Variants in POFUT1 observed in about 807,000 individuals in gnomAD.
POFUT1 encodes the protein protein O-fucosyltransferase 1, also known as GDP-fucose protein O-fucosyltransferase 1.
In POFUT1, 16 loss-of-function variants were observed where a neutral mutation model predicts 42.4. That is an observed-to-expected ratio of 0.38 (90% CI 0.26 to 0.57). The LOEUF is 0.57. Ranked by LOEUF, POFUT1 falls within the 20% of genes least tolerant of loss-of-function variation. The pLI is 0.71. For synonymous variants in POFUT1, 206 were observed against 205.4 expected (o/e 1.00, Z -0.03); for missense variants, 470 against 504.6 (o/e 0.93, Z 0.66).
At chr20:32,217,208 A>G in intron 4 of POFUT1, 1 of 1,431,262 alleles carries the variant, frequency 7.0e-7, no homozygotes, top group East Asian at 2.5e-5. Context: ...AAACATTTAT[A>G]GGGCGCCTGT....
intron 6 of POFUT1, chr20:32,231,377 T>C: frequency 2.9e-6 from 1 of 350,092 alleles, no homozygotes; most frequent in African/African-American, 2.1e-5. Flanking sequence ...CCAGGAGCTG[T>C]GGGCTCCTTG....
chr20:32,224,360 C>G (rs1227200274), intron 4 of POFUT1, among the ~76,000 whole-genome samples: 2 of 152,100 alleles, frequency 1.3e-5, no homozygotes, highest in Non-Finnish European at 2.9e-5. Context: ...CCGCTGCACT[C>G]CAGCCTGGGT....
At chr20:32,230,117 GTGGCTCA>G (rs1329518230) in intron 5 of POFUT1, among the ~76,000 whole-genome samples, 3 of 152,022 alleles carry the variant, frequency 2.0e-5, no homozygotes, top group South Asian at 2.1e-4. Flanking sequence ...GCTGGGCGTG[GTGGCTCA>G]TGCCTGTAAT....
chr20:32,210,180 T>C lies in POFUT1; in HGVS notation c.234T>C (p.Pro78=), dbSNP rs778155129. 2.5e-6 allele frequency: 4 copies of C among 1,614,158 alleles called. No individual in the cohort carries two copies. The South Asian group carries it at 4.4e-5, about 18-fold the overall frequency. ...GGATTGAGTACCAGCATCACAAGCCTCCTTTCACCAACGTGAGTACTTCCC... is the reference window on the plus strand; with the variant it reads ...GGATTGAGTACCAGCATCACAAGCCCCCTTTCACCAACGTGAGTACTTCCC... The part of the protein sequence containing the change: ...PPWIEYQHHK[P]PFTNLHVSYQ... Residue 78 remains proline, a synonymous_variant, in exon 2 of 7, where the codon CCT becomes CCC. Transcript: ENST00000375749.
intron 2 of POFUT1, among the ~76,000 whole-genome samples, chr20:32,212,801 C>T (rs550164591): frequency 6.6e-6 from 1 of 152,076 alleles, no homozygotes; most frequent in Non-Finnish European, 1.5e-5. Context: ...AGGTTGGTCT[C>T]GAACTCCCTG....
chr20:32,230,825 G>C lies in POFUT1; in HGVS notation c.742G>C (p.Ala248Pro). ...HLRIGSDWKN[A>P]CAMLKDGTAG... ...TGTTCCCCGCTCTCCGTAGAAGAAC[G>C]CCTGTGCCATGCTGAAGGACGGGAC... Residue 248 changes from alanine (A) to proline (P), a missense_variant, in exon 6 of 7, where the codon GCC (alanine) becomes CCC (proline). Ala to Pro is a conservative substitution (Grantham distance 27). Transcript: ENST00000375749. 6.2e-7 allele frequency: 1 copy of C among 1,613,346 alleles called. No homozygotes were observed. The highest frequency in any genetic ancestry group is 8.5e-7 in the Non-Finnish European group (1 of 1,180,026).
Position 32,226,024 on chromosome 20 carries a change from A to G in POFUT1, c.543-2239A>G, listed in dbSNP as rs561895374. 7.2e-5 allele frequency among the ~76,000 whole-genome samples: 11 copies of G among 152,300 alleles called. No homozygotes were observed. In the South Asian group the frequency reaches 2.3e-3, roughly 32 times the overall value. Reference sequence around the variant, plus strand: ...TCCCCTCCTTTTTGATGTCTATAGTAAAAGTGCAATCATACATTAAAACAC... The same window carrying G: ...TCCCCTCCTTTTTGATGTCTATAGTGAAAGTGCAATCATACATTAAAACAC... On this transcript the variant is annotated intron_variant, in intron 4 of 6. Coordinates refer to ENST00000375749, the MANE Select transcript of POFUT1 (RefSeq NM_015352.2).
chr20:32,230,653 C>T (rs1270270714), intron 5 of POFUT1, among the ~76,000 whole-genome samples, 166 bp from the exon 6 acceptor site: 2 of 151,732 alleles, frequency 1.3e-5, no homozygotes, highest in Non-Finnish European at 2.9e-5. Flanking sequence ...GGAGATCACA[C>T]CACTGCACTC....
At chr20:32,227,023 G>A (rs1458890646) in intron 4 of POFUT1, among the ~76,000 whole-genome samples, 1 of 152,136 alleles carries the variant, frequency 6.6e-6, no homozygotes, top group Non-Finnish European at 1.5e-5. Context: ...TTCCAGAATG[G>A]CTGTTCCCAT....
At chr20:32,233,253 A>T (rs909155895) in intron 6 of POFUT1, among the ~76,000 whole-genome samples, 3 of 152,256 alleles carry the variant, frequency 2.0e-5, no homozygotes, top group Non-Finnish European at 4.4e-5. Flanking sequence ...AGTGAAGAGC[A>T]GAGGATGCTG....
intron 4 of POFUT1, chr20:32,223,346 G>A (rs909134946): frequency 1.2e-5 from 12 of 985,282 alleles, no homozygotes; most frequent in East Asian, 1.1e-4. Context: ...TAAGTGAGCA[G>A]ATCAGCCTTA....
At chr20:32,217,191 G>T (rs1464331352) in intron 4 of POFUT1, 5 of 1,446,142 alleles carry the variant, frequency 3.5e-6, no homozygotes, top group Non-Finnish European at 4.5e-6. Flanking sequence ...CGTGGGCACA[G>T]GCCGTGAAAC....
At chr20:32,217,760 A>G (rs1423440347) in intron 4 of POFUT1, 5 of 983,518 alleles carry the variant, frequency 5.1e-6, no homozygotes, top group Non-Finnish European at 6.0e-6. Context: ...TTTATTTAAG[A>G]CTTTGAGATA....
chr20:32,221,670 C>T (rs777432607), intron 4 of POFUT1, among the ~76,000 whole-genome samples: 67 of 151,854 alleles, frequency 4.4e-4, no homozygotes, highest in Middle Eastern at 3.4e-3. Context: ...AACCCATGAT[C>T]TGTCCACTGC....
At chr20:32,208,498 A>G (rs1262740796) in intron 1 of POFUT1, among the ~76,000 whole-genome samples, 2 of 152,066 alleles carry the variant, frequency 1.3e-5, no homozygotes, top group Non-Finnish European at 2.9e-5. Flanking sequence ...TAGAGCCTTC[A>G]TTTTAGTTGG....
intron 6 of POFUT1, chr20:32,231,271 T>A (rs2047442402): frequency 1.7e-6 from 1 of 574,408 alleles, no homozygotes; most frequent in Admixed American, 3.0e-5. Context: ...GGAGCTCACG[T>A]ATCCCTGCTG....
rs1029513556 is a variant in POFUT1 at position 32,228,190 on chromosome 20, C to G, written c.543-73C>G. 6.9e-6 allele frequency: 9 copies of G among 1,305,628 alleles called. No homozygotes were observed. The African/African-American group carries it at 1.3e-4, about 19-fold the overall frequency. 80.9% of individuals were successfully genotyped at this position (1,305,628 alleles called of 1,614,324 possible). A position where few individuals can be genotyped will look rare whatever the true frequency, so the allele number is the denominator to read the frequency against. Reference sequence around the variant, plus strand: ...TCTCTGGGGCATGGTGCAACACCATCCTTTTTCCCGTGGGGGTGGCAGCCA... The same window carrying G: ...TCTCTGGGGCATGGTGCAACACCATGCTTTTTCCCGTGGGGGTGGCAGCCA... On this transcript the variant is annotated intron_variant, in intron 4 of 6. Transcript: ENST00000375749.
At chr20:32,221,687 G>A (rs1569156369) in intron 4 of POFUT1, among the ~76,000 whole-genome samples, 1 of 151,616 alleles carries the variant, frequency 6.6e-6, no homozygotes, top group South Asian at 2.1e-4. Context: ...CTGCACTACA[G>A]CCTGGGCAAC....
In POFUT1 at chr20:32,238,240, AAAT is replaced by A. The variant is rs937874574; in HGVS notation, c.*3590_*3592del. The A allele has an allele frequency of 2.4e-5, 4 of 166,140 alleles. No individual in the cohort carries two copies. The highest frequency in any genetic ancestry group is 4.0e-5 in the Non-Finnish European group (3 of 75,890). 10.3% of individuals were successfully genotyped at this position (166,140 alleles called of 1,614,324 possible). On this transcript the variant is annotated 3_prime_UTR_variant, in exon 7 of 7. Coordinates refer to ENST00000375749, the MANE Select transcript of POFUT1 (RefSeq NM_015352.2). ...AATTATCTCTACTAAAAATACAAAAAAATAATAATAATAGCCAGGCGTGGTGGC... is the reference window on the plus strand; with the variant it reads ...AATTATCTCTACTAAAAATACAAAAAAATAATAATAGCCAGGCGTGGTGGC...
Sources: gnomAD v4.1 joint callset for allele counts (sites outside exome capture counted in the v4.1 genomes callset) on GRCh38, gnomAD v4.1.1 for gene constraint, MANE v1.5 for transcripts, NCBI Gene and HGNC (gene_info 2026-07-23, HGNC 2026-07-21) for gene names.